Variants in FLNB observed in about 807,000 individuals in gnomAD.
The protein encoded by FLNB is filamin-B.
Under a neutral mutation model 250.6 loss-of-function variants are expected in FLNB, and 111 were observed. The observed-to-expected ratio is 0.44, with a 90% CI of 0.38 to 0.52. FLNB has a LOEUF of 0.52. FLNB is among the 20% of genes least tolerant of loss of function. The pLI is 0.00. For synonymous variants in FLNB, 1,302 were observed against 1,372.1 expected (o/e 0.95, Z 1.13); for missense variants, 2,869 against 3,447.8 (o/e 0.83, Z 4.20).
chr3:58,050,557 C>T (rs763194564), intron 1 of FLNB, among the ~76,000 whole-genome samples: 2 of 152,110 alleles, frequency 1.3e-5, no homozygotes, highest in African/African-American at 4.8e-5. Context: ...TGGAGGTTCC[C>T]CTTAAGCAAT....
At chr3:58,037,083 T>C (rs1435523531) in intron 1 of FLNB, among the ~76,000 whole-genome samples, 1 of 146,428 alleles carries the variant, frequency 6.8e-6, no homozygotes, top group African/African-American at 2.6e-5. Flanking sequence ...TTTTTTTTTT[T>C]TGAGACAGTC....
At chr3:58,155,763 G>A (rs1284981290) in intron 40 of FLNB, among the ~76,000 whole-genome samples, 197 bp from the exon 41 acceptor site, 1 of 152,150 alleles carries the variant, frequency 6.6e-6, no homozygotes, top group African/African-American at 2.4e-5. Flanking sequence ...GTGAGCCCCG[G>A]TTAAGAGTCC....
intron 1 of FLNB, among the ~76,000 whole-genome samples, chr3:58,066,079 G>A (rs1038724254): frequency 3.3e-5 from 5 of 152,186 alleles, no homozygotes; most frequent in Admixed American, 2.6e-4. Flanking sequence ...GGAGAACTGT[G>A]TGGCAGCAAC....
intron 8 of FLNB, among the ~76,000 whole-genome samples, chr3:58,100,373 A>AAAAAAATATATATATATATATATATAT: frequency 5.9e-4 from 62 of 104,338 alleles, no homozygotes; most frequent in African/African-American, 1.7e-3. Flanking sequence ...GTAAAAAAAA[A>AAAAAAATATATATATATATATATATAT]ATATATATAT....
chr3:58,065,486 C>T (rs942847356), intron 1 of FLNB, among the ~76,000 whole-genome samples: 7 of 152,238 alleles, frequency 4.6e-5, no homozygotes, highest in African/African-American at 1.4e-4. Context: ...TTGGCTTCAC[C>T]TCTGTGGGCC....
intron 1 of FLNB, among the ~76,000 whole-genome samples, chr3:58,034,809 C>T (rs545993372): frequency 5.8e-4 from 89 of 152,286 alleles, no homozygotes; most frequent in African/African-American, 2.1e-3. Flanking sequence ...TGTCTCTCCA[C>T]AGACGGGTGG....
chr3:58,048,510 A>G (rs572841347), intron 1 of FLNB, among the ~76,000 whole-genome samples: 1 of 152,294 alleles, frequency 6.6e-6, no homozygotes, highest in East Asian at 1.9e-4. Flanking sequence ...CTGAGGTCAT[A>G]GGTACTTCCC....
chr3:58,111,778 GTC>G lies in FLNB; in HGVS notation c.2485-9_2485-8del. ...TCAGGGGCTTTCCTACTAAGACTGT[GTC>G]TCTGCTACAGGAAATCCCCGCCAGC... On this transcript the variant is annotated splice_polypyrimidine_tract_variant and intron_variant, in intron 16 of 45. Transcript: ENST00000295956. 1 of 1,606,644 alleles carries G rather than the reference GTC, an allele frequency of 6.2e-7. No individual in the cohort carries two copies. Among genetic ancestry groups the G allele is most frequent in the Non-Finnish European group, 8.5e-7 (1 of 1,173,282 alleles).
chr3:58,034,304 A>G (rs1052121677), intron 1 of FLNB, among the ~76,000 whole-genome samples: 2 of 152,228 alleles, frequency 1.3e-5, no homozygotes, highest in African/African-American at 4.8e-5. Context: ...ACTGTTTCCC[A>G]AAGTGGTTGT....
intron 3 of FLNB, 106 bp from the exon 4 acceptor site, chr3:58,081,523 C>A: frequency 9.7e-7 from 1 of 1,028,754 alleles, no homozygotes; most frequent in Non-Finnish European, 1.5e-6. Flanking sequence ...GAAGCTGACT[C>A]AGTTTCTTAA....
intron 4 of FLNB, among the ~76,000 whole-genome samples, chr3:58,083,999 C>T (rs1448339407): frequency 6.6e-6 from 1 of 151,966 alleles, no homozygotes; most frequent in Non-Finnish European, 1.5e-5. Flanking sequence ...TGAGACCATC[C>T]TGGCTAACAA....
intron 42 of FLNB, among the ~76,000 whole-genome samples, chr3:58,161,392 A>G (rs763607226): frequency 2.6e-5 from 4 of 152,208 alleles, no homozygotes; most frequent in Non-Finnish European, 5.9e-5. Context: ...AGGATCCCCA[A>G]TACCCAAATG....
chr3:58,162,426 C>T (rs554993368), intron 42 of FLNB: 10 of 152,686 alleles, frequency 6.5e-5, no homozygotes, highest in African/African-American at 2.2e-4. Flanking sequence ...CAGCCACAAA[C>T]CTGCCCTGTG....
chr3:58,067,738 A>G (rs1431366882), intron 1 of FLNB, among the ~76,000 whole-genome samples: 3 of 151,668 alleles, frequency 2.0e-5, no homozygotes, highest in Admixed American at 2.0e-4. Context: ...CTGGGGTTAC[A>G]GGCGCCCACC....
At chr3:58,122,168 C>CAA (rs546747097) in intron 20 of FLNB, among the ~76,000 whole-genome samples, 101 of 65,842 alleles carry the variant, frequency 1.5e-3, no homozygotes, top group African/African-American at 4.7e-3. Context: ...GACTCCGTCT[C>CAA]AAAAAAAAAA....
Position 58,143,603 on chromosome 3 carries a change from C to A in FLNB, c.5415C>A (p.Ser1805Arg). ...LHEMHIKYMG[S>R]HIPESPLQFY... is the part of the protein sequence containing the mutation. ...AGATGCACATCAAATACATGGGCAG[C>A]CACATCCCTGGTAAGCTGAGTCAGC... Residue 1805 changes from serine (S) to arginine (R), a missense_variant, in exon 32 of 46, where the codon AGC becomes AGA. Physicochemically the swap from Ser to Arg is moderately radical, Grantham distance 110. Around this residue, in one of 5 missense-constraint regions of FLNB, gnomAD observed 1,084 missense variants for 1,315.5 expected, o/e 0.82. Transcript: ENST00000295956. The A allele has an allele frequency of 6.2e-7, 1 of 1,613,984 alleles. No homozygotes were observed. Among genetic ancestry groups the A allele is most frequent in the Middle Eastern group, 1.7e-4 (1 of 5,940 alleles).
chr3:58,137,961 T>C (rs2097319428), intron 28 of FLNB, among the ~76,000 whole-genome samples: 1 of 152,224 alleles, frequency 6.6e-6, no homozygotes, highest in South Asian at 2.1e-4. Flanking sequence ...CACCTTTATG[T>C]GTACCTGGCA....
chr3:58,111,468 A>C (rs1444209336), intron 16 of FLNB, among the ~76,000 whole-genome samples: 1 of 151,850 alleles, frequency 6.6e-6, no homozygotes, highest in African/African-American at 2.4e-5. Flanking sequence ...CCCCAGCCCC[A>C]TGTATTATTG....
chr3:58,012,327 A>G (rs939160164), intron 1 of FLNB, among the ~76,000 whole-genome samples: 10 of 151,764 alleles, frequency 6.6e-5, no homozygotes, highest in Admixed American at 2.6e-4. Flanking sequence ...TACTCTTGCC[A>G]TGGTTAGTAT....
Sources: gnomAD v4.1 joint callset for allele counts (sites outside exome capture counted in the v4.1 genomes callset) on GRCh38, gnomAD v4.1.1 for gene constraint, gnomAD v4.1.1 regional missense constraint, MANE v1.5 for transcripts, NCBI Gene and HGNC (gene_info 2026-07-23, HGNC 2026-07-21) for gene names.